OPCML: variants seen among roughly 807,000 people sequenced by gnomAD.
OPCML encodes opioid binding protein/cell adhesion molecule like.
Under a neutral mutation model 37.8 loss-of-function variants are expected in OPCML, and 13 were observed. That is an observed-to-expected ratio of 0.34 (90% CI 0.22 to 0.55). OPCML has a LOEUF of 0.55. Among genes scored for constraint, OPCML ranks in the 20% least tolerant of loss-of-function variants. The pLI is 0.91. For missense variants in OPCML, 341 were observed against 435.6 expected, an observed-to-expected ratio of 0.78 and a Z score of 1.93; for synonymous variants, 176 against 168.8, an observed-to-expected ratio of 1.04 and a Z score of -0.33.
Position 133,283,233 on chromosome 11 carries a change from C to T in OPCML, c.61+249031G>A, listed in dbSNP as rs545547557. The stretch of plus-strand genomic sequence containing the variant: ...GTGACCTCTAATGTTGCAGATGGGG[C>T]CTGGTGGGATGCATTTCAGTCACGG... On this transcript the variant is annotated intron_variant, in intron 1 of 7. Transcript: ENST00000524381. Among the ~76,000 whole-genome samples the T allele has an allele frequency of 1.3e-3, 192 of 152,116 alleles. 1 individual carries two copies. Among genetic ancestry groups the T allele is most frequent in the African/African-American group, 4.4e-3 (184 of 41,488 alleles).
chr11:132,917,789 TG>T (rs1283917595), intron 2 of OPCML, among the ~76,000 whole-genome samples: 1 of 152,166 alleles, frequency 6.6e-6, no homozygotes, highest in Admixed American at 6.5e-5. Flanking sequence ...TCTGCCTCTT[TG>T]GGCTGGGTTT....
At chr11:133,457,434 G>A (rs1474343863) in intron 1 of OPCML, among the ~76,000 whole-genome samples, 2 of 152,100 alleles carry the variant, frequency 1.3e-5, no homozygotes, top group African/African-American at 4.8e-5. Context: ...AACTACTTGG[G>A]AGGCTGAGGA....
At chr11:132,818,931 AAAT>A (rs1240733531) in intron 2 of OPCML, among the ~76,000 whole-genome samples, 1 of 150,230 alleles carries the variant, frequency 6.7e-6, no homozygotes. Flanking sequence ...GTATAATAAA[AAAT>A]AATAATAAAT....
chr11:133,248,682 G>A (rs1191182086), intron 1 of OPCML, among the ~76,000 whole-genome samples: 7 of 152,172 alleles, frequency 4.6e-5, no homozygotes, highest in African/African-American at 1.4e-4. Flanking sequence ...AAGATGGATG[G>A]AGAAGTTCAC....
chr11:132,702,863 T>G (rs534542586), intron 2 of OPCML, among the ~76,000 whole-genome samples: 5 of 152,114 alleles, frequency 3.3e-5, no homozygotes, highest in Non-Finnish European at 7.4e-5. Context: ...TTCATTTCAG[T>G]CATTGTCTTC....
intron 1 of OPCML, among the ~76,000 whole-genome samples, chr11:132,996,759 A>G (rs1392248171): frequency 6.6e-6 from 1 of 152,158 alleles, no homozygotes; most frequent in Non-Finnish European, 1.5e-5. Context: ...CTCCATGGAG[A>G]GTCCCTGCTT....
At chr11:132,915,996 T>C (rs1444694160) in intron 2 of OPCML, among the ~76,000 whole-genome samples, 1 of 152,204 alleles carries the variant, frequency 6.6e-6, no homozygotes, top group Non-Finnish European at 1.5e-5. Flanking sequence ...GGGTTTTTCC[T>C]CTTAATTACA....
intron 3 of OPCML, among the ~76,000 whole-genome samples, chr11:132,609,150 C>T (rs1938483844): frequency 1.3e-5 from 2 of 151,912 alleles, no homozygotes; most frequent in African/African-American, 4.8e-5. Flanking sequence ...AGAATCAATG[C>T]CAAACCCTTC....
intron 1 of OPCML, among the ~76,000 whole-genome samples, chr11:132,999,482 C>T (rs1565390077): frequency 6.6e-6 from 1 of 151,012 alleles, no homozygotes; most frequent in Non-Finnish European, 1.5e-5. Flanking sequence ...ATATTGAGCT[C>T]CTTGTCAGAA....
At chr11:132,441,419 C>T (rs921383724) in intron 4 of OPCML, among the ~76,000 whole-genome samples, 7 of 152,070 alleles carry the variant, frequency 4.6e-5, no homozygotes, top group Middle Eastern at 3.4e-3. Flanking sequence ...CCGCCCGCCT[C>T]GGCCTCCCAA....
intron 1 of OPCML, among the ~76,000 whole-genome samples, chr11:133,210,475 A>T (rs1430669116): frequency 6.6e-6 from 1 of 152,032 alleles, no homozygotes; most frequent in African/African-American, 2.4e-5. Flanking sequence ...TTCTCTGATG[A>T]AGTTCCCTTC....
chr11:132,944,676 C>T (rs1945705278), intron 1 of OPCML, among the ~76,000 whole-genome samples: 1 of 152,220 alleles, frequency 6.6e-6, no homozygotes, highest in Non-Finnish European at 1.5e-5. Context: ...CGCAGTGGTG[C>T]TGGGAGGTGA....
At chr11:132,687,371 T>C (rs1181232787) in intron 2 of OPCML, among the ~76,000 whole-genome samples, 5 of 744 alleles carry the variant, frequency 6.7e-3, no homozygotes, top group South Asian at 0.045. Context: ...TTAAGCTACA[T>C]ATATATATAT....
At chr11:132,539,013 C>T (rs1200308513) in intron 3 of OPCML, among the ~76,000 whole-genome samples, 1 of 152,190 alleles carries the variant, frequency 6.6e-6, no homozygotes, top group Non-Finnish European at 1.5e-5. Context: ...TCCATGACAA[C>T]ATATGTATAA....
chr11:132,500,597 A>G (rs2096243402), intron 4 of OPCML, among the ~76,000 whole-genome samples: 1 of 152,196 alleles, frequency 6.6e-6, no homozygotes, highest in South Asian at 2.1e-4. Context: ...TCTGGGATAC[A>G]CGTGCAGAAG....
intron 1 of OPCML, among the ~76,000 whole-genome samples, chr11:133,345,443 A>T (rs1943977017): frequency 6.6e-6 from 1 of 152,216 alleles, no homozygotes; most frequent in African/African-American, 2.4e-5. Context: ...CTTGCCACCC[A>T]TCCTTTGTAC....
chr11:133,294,105 A>C (rs971911213), intron 1 of OPCML, among the ~76,000 whole-genome samples: 2 of 152,006 alleles, frequency 1.3e-5, no homozygotes, highest in African/African-American at 4.8e-5. Context: ...GGTGGAAAGA[A>C]GCACCGCCTC....
At chr11:133,353,178 G>T (rs894473492) in intron 1 of OPCML, among the ~76,000 whole-genome samples, 3 of 152,066 alleles carry the variant, frequency 2.0e-5, no homozygotes, top group African/African-American at 7.2e-5. Context: ...TGTTGTTGTT[G>T]TTGTTTGAGA....
intron 1 of OPCML, among the ~76,000 whole-genome samples, chr11:133,247,201 A>G (rs1482540996): frequency 3.3e-5 from 5 of 152,232 alleles, no homozygotes; most frequent in Admixed American, 3.3e-4. Context: ...AATACCCTGA[A>G]AAATAATCAC....
Sources: gnomAD v4.1 joint callset for allele counts (sites outside exome capture counted in the v4.1 genomes callset) on GRCh38, gnomAD v4.1.1 for gene constraint, MANE v1.5 for transcripts, NCBI Gene and HGNC (gene_info 2026-07-23, HGNC 2026-07-21) for gene names.